The following MID1 variants were observed in gnomAD, a reference collection of about 807,000 sequenced individuals.
MID1 encodes midline 1, also known as E3 ubiquitin-protein ligase Midline-1.
MID1 carries 7 observed loss-of-function variants against 40.4 expected under a neutral mutation model. The observed-to-expected ratio is 0.17, with a 90% confidence interval of 0.10 to 0.33. MID1 has a LOEUF of 0.33. MID1 is among the 10% of genes least tolerant of loss of function. The probability of loss-of-function intolerance (pLI) is 1.00; values close to 1 mark genes in which losing one functional copy is unlikely to be tolerated. For missense variants in MID1, 367 were observed against 558.5 expected, an observed-to-expected ratio of 0.66 and a Z score of 3.46; for synonymous variants, 229 against 221.2, an observed-to-expected ratio of 1.04 and a Z score of -0.31.
intron 1 of MID1, among the ~76,000 whole-genome samples, chrX:10,779,167 A>G (rs1024503445): frequency 3.6e-5 from 4 of 112,673 alleles, no homozygotes; most frequent in African/African-American, 6.5e-5. Flanking sequence ...AATGAGAAAG[A>G]GCAGTCCAAG....
intron 1 of MID1, among the ~76,000 whole-genome samples, chrX:10,722,064 T>C (rs2043359767): frequency 1.8e-5 from 2 of 111,773 alleles, no homozygotes; most frequent in Admixed American, 1.9e-4. Flanking sequence ...AGAAAAAGCA[T>C]TTTTATGTTA....
chrX:10,832,044 A>G (rs766680496), intron 1 of MID1, among the ~76,000 whole-genome samples: 2 of 112,709 alleles, frequency 1.8e-5, no homozygotes, highest in East Asian at 5.6e-4. Context: ...CAGAATGTCA[A>G]GACTCATATT....
chrX:10,545,249 A>T lies in MID1; in HGVS notation c.660+21639T>A, dbSNP rs147589495. ...AGTGCTGAGATTACAGGCATGAGCC[A>T]CCACACCCGGCTTCAAAGCTAAGTT... On this transcript the variant is annotated intron_variant, in intron 2 of 9. Coordinates refer to ENST00000317552, the MANE Select transcript of MID1 (RefSeq NM_000381.4). 3.0e-3 allele frequency among the ~76,000 whole-genome samples: 341 copies of T among 112,404 alleles called. 2 individuals carry two copies. Among genetic ancestry groups the T allele is most frequent in the African/African-American group, 0.011 (326 of 30,939 alleles).
chrX:10,701,221 C>T (rs766969214), intron 1 of MID1, among the ~76,000 whole-genome samples: 2 of 111,865 alleles, frequency 1.8e-5, no homozygotes, highest in African/African-American at 3.3e-5. Flanking sequence ...GTTCTTACAT[C>T]GCAACCAGAA....
At chrX:10,813,329 C>G (rs996694850) in intron 1 of MID1, among the ~76,000 whole-genome samples, 1 of 111,417 alleles carries the variant, frequency 9.0e-6, no homozygotes, top group Non-Finnish European at 1.9e-5. Flanking sequence ...CTGGAACTTG[C>G]ATTTGCTGGG....
intron 1 of MID1, among the ~76,000 whole-genome samples, chrX:10,786,474 A>T (rs1428425037): frequency 4.5e-5 from 5 of 111,461 alleles, no homozygotes; most frequent in African/African-American, 1.3e-4. Flanking sequence ...CTGGGTATAT[A>T]CCCAAAGGAT....
chrX:10,502,975 T>C (rs1375188139), intron 3 of MID1, among the ~76,000 whole-genome samples: 3 of 111,682 alleles, frequency 2.7e-5, no homozygotes, highest in Non-Finnish European at 5.6e-5. Context: ...AGGAAAAACA[T>C]TGGAGGAGTT....
chrX:10,496,842 A>C lies in MID1; in HGVS notation c.757-1151T>G, dbSNP rs553579104. 2.7e-5 allele frequency among the ~76,000 whole-genome samples: 3 copies of C among 112,364 alleles called. No individual in the cohort carries two copies. The East Asian group carries it at 8.4e-4, about 31-fold the overall frequency. Reference sequence around the variant, plus strand: ...ATCATTGTTCAGACATAACATAGAGACTACTCAAGACATCTTATTGAGAAG... The same window carrying C: ...ATCATTGTTCAGACATAACATAGAGCCTACTCAAGACATCTTATTGAGAAG... On this transcript the variant is annotated intron_variant, in intron 3 of 9. Coordinates refer to ENST00000317552, the MANE Select transcript of MID1 (RefSeq NM_000381.4).
intron 1 of MID1, among the ~76,000 whole-genome samples, chrX:10,574,172 A>G (rs914720029): frequency 8.9e-6 from 1 of 112,046 alleles, no homozygotes; most frequent in Non-Finnish European, 1.9e-5. Context: ...AGCATGGATC[A>G]TCTAGGTGGA....
Position 10,459,634 on chromosome X carries a change from C to T in MID1, c.1447+12G>A. ...TAAGACATGACAGCTCTGTTGAGTT[C>T]ACAGCACTTACTGTTTGTCTTCAAC... On this transcript the variant is annotated intron_variant, in intron 8 of 9. Transcript: ENST00000317552. 8.3e-7 allele frequency: 1 copy of T among 1,209,299 alleles called. No individual in the cohort carries two copies. The highest frequency in any genetic ancestry group is 2.2e-5 in the Admixed American group (1 of 46,079).
intron 1 of MID1, among the ~76,000 whole-genome samples, chrX:10,807,106 G>A (rs926910614): frequency 2.7e-5 from 3 of 110,168 alleles, no homozygotes; most frequent in African/African-American, 9.9e-5. Flanking sequence ...TTAGCTGGGC[G>A]TGGTGGCAGG....
chrX:10,789,445 T>C (rs2043913506), intron 1 of MID1, among the ~76,000 whole-genome samples: 2 of 112,122 alleles, frequency 1.8e-5, no homozygotes, highest in Admixed American at 1.9e-4. Context: ...AGGTGTACCA[T>C]TTTTAATCTT....
intron 1 of MID1, among the ~76,000 whole-genome samples, chrX:10,803,455 C>G (rs2044023335): frequency 9.3e-6 from 1 of 107,198 alleles, no homozygotes; most frequent in Non-Finnish European, 1.9e-5. Context: ...CAGGTTCAAG[C>G]GATTCTCCTG....
intron 1 of MID1, among the ~76,000 whole-genome samples, chrX:10,583,812 C>T (rs981298883): frequency 9.1e-6 from 1 of 110,344 alleles, no homozygotes; most frequent in Non-Finnish European, 1.9e-5. Context: ...GCGGGTGGAT[C>T]ACGACATTAG....
intron 4 of MID1, among the ~76,000 whole-genome samples, chrX:10,495,240 C>A (rs1415469833): frequency 9.0e-6 from 1 of 111,452 alleles, no homozygotes; most frequent in African/African-American, 3.3e-5. Flanking sequence ...TAGGATATCA[C>A]AATGAATACA....
chrX:10,777,472 C>T (rs1476171451), intron 1 of MID1, among the ~76,000 whole-genome samples: 1 of 110,794 alleles, frequency 9.0e-6, no homozygotes, highest in Non-Finnish European at 1.9e-5. Context: ...GCTGGGATTA[C>T]AGGCTTGAGC....
At chrX:10,459,602 G>A in intron 8 of MID1, 44 bp downstream of exon 8, 1 of 1,179,277 alleles carries the variant, frequency 8.5e-7, no homozygotes, top group East Asian at 3.0e-5. Flanking sequence ...GCTGAAAGAA[G>A]AGCAGATAAG....
At chrX:10,719,874 G>A (rs760207522) in intron 1 of MID1, among the ~76,000 whole-genome samples, 2,062 of 110,590 alleles carry the variant, frequency 0.019, 49 homozygotes, top group African/African-American at 0.064. Flanking sequence ...AACAGAACAG[G>A]GCCCTCAGAA....
chrX:10,517,515 T>C (rs1932509304), intron 3 of MID1, among the ~76,000 whole-genome samples: 1 of 112,515 alleles, frequency 8.9e-6, no homozygotes, highest in Admixed American at 9.4e-5. Context: ...GAAATGCCAG[T>C]TGTCACTGTG....
Sources: allele counts gnomAD v4.1 joint callset (sites outside exome capture counted in the v4.1 genomes callset), GRCh38; gene constraint gnomAD v4.1.1; transcripts MANE v1.5; gene names NCBI Gene and HGNC (gene_info 2026-07-23, HGNC 2026-07-21).